NAV3: variants seen among roughly 807,000 people sequenced by gnomAD.
NAV3 encodes the protein pore membrane and/or filament interacting like protein 1.
NAV3 carries 87 observed loss-of-function variants against 244.7 expected under a neutral mutation model. The observed-to-expected ratio is 0.36, with a 90% CI of 0.30 to 0.42. NAV3 has a LOEUF of 0.42. NAV3 is among the 20% of genes least tolerant of loss of function. The probability of loss-of-function intolerance (pLI) is 1.00; values close to 1 mark genes in which losing one functional copy is unlikely to be tolerated. For missense variants in NAV3, 2,663 were observed against 2,893.3 expected (o/e 0.92, Z 1.83); for synonymous variants, 1,126 against 1,042.2 (o/e 1.08, Z -1.55).
At chr12:78,201,441 CAGTT>C (rs1333033001) in intron 38 of NAV3, among the ~76,000 whole-genome samples, 1 of 151,808 alleles carries the variant, frequency 6.6e-6, no homozygotes, top group African/African-American at 2.4e-5. Context: ...CTAAGAGAGT[CAGTT>C]GGTCTTTTGA....
intron 2 of NAV3, among the ~76,000 whole-genome samples, chr12:77,768,000 C>T (rs1463138837): frequency 1.3e-5 from 2 of 152,228 alleles, no homozygotes; most frequent in Non-Finnish European, 2.9e-5. Flanking sequence ...AGCAACAGTA[C>T]AGCTCTCAGG....
Position 78,051,652 on chromosome 12 carries a change from A to G in NAV3, c.2516+505A>G, listed in dbSNP as rs185609822. Among the ~76,000 whole-genome samples, 9 of 152,318 alleles carry G rather than the reference A, an allele frequency of 5.9e-5. No homozygotes were observed. In the East Asian group the frequency reaches 1.5e-3, roughly 26 times the overall value. On this transcript the variant is annotated intron_variant, in intron 11 of 39. Coordinates refer to ENST00000397909, the MANE Select transcript of NAV3 (RefSeq NM_001024383.2). ...ATTCATTTTCTTTTGATGGTATCAG[A>G]TTTCAATACATCTCAGACCCTGTTT... is the stretch of plus-strand genomic sequence containing the variant.
chr12:78,037,173 G>A (rs1880038924), intron 9 of NAV3: 2 of 702,986 alleles, frequency 2.8e-6, no homozygotes, highest in East Asian at 2.7e-5. Flanking sequence ...AGACTTAGAG[G>A]AATTGTCTGC....
intron 34 of NAV3, among the ~76,000 whole-genome samples, chr12:78,194,460 C>G (rs970099302): frequency 2.0e-5 from 3 of 151,982 alleles, no homozygotes; most frequent in Admixed American, 1.3e-4. Flanking sequence ...TCAAATTTTT[C>G]AATGTTTTCT....
chr12:77,802,413 A>T (rs1245873467), intron 2 of NAV3, among the ~76,000 whole-genome samples: 1 of 152,228 alleles, frequency 6.6e-6, no homozygotes, highest in Non-Finnish European at 1.5e-5. Flanking sequence ...TGAATTTCAT[A>T]TTAGGTTAAT....
At chr12:77,997,913 A>G (rs933613309) in intron 6 of NAV3, among the ~76,000 whole-genome samples, 2 of 152,232 alleles carry the variant, frequency 1.3e-5, no homozygotes, top group Admixed American at 6.5e-5. Context: ...ACTACCTACA[A>G]TAAAAACAAA....
chr12:77,916,925 A>G (rs555676734), intron 1 of NAV3, among the ~76,000 whole-genome samples: 10 of 152,144 alleles, frequency 6.6e-5, no homozygotes, highest in African/African-American at 2.4e-4. Context: ...ACCAGGAGAC[A>G]TAAAAAACAA....
At chr12:77,926,152 T>C (rs1386588954) in intron 1 of NAV3, among the ~76,000 whole-genome samples, 2 of 152,158 alleles carry the variant, frequency 1.3e-5, no homozygotes, top group East Asian at 3.9e-4. Context: ...AGGCAGAGTG[T>C]TCTCTCTCAG....
At chr12:78,176,539 T>G (rs369494692) in intron 26 of NAV3, 80 bp downstream of exon 26, 89 of 1,295,966 alleles carry the variant, frequency 6.9e-5, no homozygotes, top group Non-Finnish European at 8.0e-5. Flanking sequence ...ATTTTGGCAG[T>G]AGGCTTTTAT....
chr12:77,852,129 A>G (rs911385233), intron 1 of NAV3, among the ~76,000 whole-genome samples: 2 of 152,262 alleles, frequency 1.3e-5, no homozygotes, highest in Non-Finnish European at 2.9e-5. Context: ...GATGACTCTT[A>G]GGAAATAAAA....
At chr12:78,147,097 T>C (rs1956893578) in intron 21 of NAV3, among the ~76,000 whole-genome samples, 1 of 152,112 alleles carries the variant, frequency 6.6e-6, no homozygotes, top group Non-Finnish European at 1.5e-5. Flanking sequence ...CAACAGCTTT[T>C]GCAAAAGTAT....
intron 9 of NAV3, among the ~76,000 whole-genome samples, chr12:78,041,516 A>G (rs1880854653): frequency 1.3e-5 from 2 of 152,206 alleles, no homozygotes; most frequent in South Asian, 4.1e-4. Flanking sequence ...GATCCACTGG[A>G]ACCACAGGGT....
intron 14 of NAV3, 133 bp from the exon 15 acceptor site, chr12:78,119,104 T>C: frequency 9.9e-7 from 1 of 1,008,020 alleles, no homozygotes; most frequent in South Asian, 1.7e-5. Context: ...ATATATGAGA[T>C]TTTTGATCTA....
At chr12:77,830,680 G>A (rs1289540041), upstream of NAV3, among the ~76,000 whole-genome samples, 3 of 152,152 alleles carry the variant, frequency 2.0e-5, no homozygotes, top group Non-Finnish European at 4.4e-5. Context: ...TGATTTCATG[G>A]GATGCAACAG....
chr12:77,934,431 C>G (rs577928241), intron 1 of NAV3, among the ~76,000 whole-genome samples: 1 of 104,246 alleles, frequency 9.6e-6, no homozygotes, highest in Non-Finnish European at 2.0e-5. Context: ...CTTTCCTATA[C>G]TGTTGTGGTC....
At chr12:78,037,109 C>A (rs1412664641) in intron 9 of NAV3, 1 of 702,900 alleles carries the variant, frequency 1.4e-6, no homozygotes. Context: ...TGTATCACAC[C>A]AGCAGCTCAG....
intron 18 of NAV3, among the ~76,000 whole-genome samples, chr12:78,132,384 C>A (rs1956202700): frequency 6.6e-6 from 1 of 152,058 alleles, no homozygotes; most frequent in African/African-American, 2.4e-5. Flanking sequence ...GTGGGTTTCC[C>A]CCCTTAATCT....
intron 2 of NAV3, among the ~76,000 whole-genome samples, chr12:77,766,512 AG>A (rs1203300913): frequency 2.0e-5 from 3 of 152,202 alleles, no homozygotes; most frequent in African/African-American, 7.2e-5. Context: ...ATAATGGCCA[AG>A]GGAATGTTTT....
chr12:77,913,889 G>A (rs1464522458), intron 1 of NAV3, among the ~76,000 whole-genome samples: 1 of 152,010 alleles, frequency 6.6e-6, no homozygotes, highest in Non-Finnish European at 1.5e-5. Context: ...TTTTCAGTCT[G>A]ATCTGGATTT....
Sources: allele counts gnomAD v4.1 joint callset (sites outside exome capture counted in the v4.1 genomes callset), GRCh38; gene constraint gnomAD v4.1.1; transcripts MANE v1.5; gene names NCBI Gene and HGNC (gene_info 2026-07-23, HGNC 2026-07-21).